DGLUCY: variants seen among roughly 807,000 people sequenced by gnomAD.
The protein encoded by DGLUCY is D-glutamate cyclase, mitochondrial.
Under a neutral mutation model 58.5 loss-of-function variants are expected in DGLUCY, and 58 were observed. The observed-to-expected ratio is 0.99, with a 90% CI of 0.80 to 1.23. The LOEUF (loss-of-function observed/expected upper bound fraction) is 1.23. Among genes scored for constraint, DGLUCY ranks in the 50% most tolerant of loss-of-function variants. The pLI, the probability that DGLUCY is intolerant of heterozygous loss-of-function variation, is 0.00. For synonymous variants in DGLUCY, 325 were observed against 314.1 expected (o/e 1.03, Z -0.37); for missense variants, 779 against 784.7 (o/e 0.99, Z 0.09).
At chr14:91,138,455 C>T (rs1341822176) in intron 1 of DGLUCY, among the ~76,000 whole-genome samples, 1 of 152,102 alleles carries the variant, frequency 6.6e-6, no homozygotes, top group African/African-American at 2.4e-5. Context: ...TGCGCCATTG[C>T]ACTCCAGCCT....
chr14:91,180,571 C>CAAAAAAA (rs1212639674), intron 7 of DGLUCY, among the ~76,000 whole-genome samples: 2 of 86,154 alleles, frequency 2.3e-5, no homozygotes. Flanking sequence ...GACTCCATCT[C>CAAAAAAA]AAAAAAAAAA....
chr14:91,204,608 C>A, intron 11 of DGLUCY, 98 bp from the exon 12 acceptor site: 1 of 1,489,736 alleles, frequency 6.7e-7, no homozygotes, highest in African/African-American at 1.4e-5. Flanking sequence ...ACCTTTTTGC[C>A]CTCCCAAAGG....
At chr14:91,221,502 A>G (rs1887494643) in intron 13 of DGLUCY, among the ~76,000 whole-genome samples, 1 of 151,466 alleles carries the variant, frequency 6.6e-6, no homozygotes, top group South Asian at 2.1e-4. Flanking sequence ...GGATGCATGG[A>G]TGGATGGATA....
chr14:91,199,807 A>G lies in DGLUCY; in HGVS notation c.1346A>G (p.Asn449Ser), dbSNP rs570844446. Residue 449 changes from asparagine to serine, a missense_variant, in exon 11 of 14, where the codon AAT becomes AGT. Physicochemically the swap from Asn to Ser is conservative, Grantham distance 46. Coordinates refer to ENST00000256324, the MANE Select transcript of DGLUCY (RefSeq NM_001102368.3). Reference protein sequence around the residue: ...IERAGRAADGNYYNARKMNIK... With the variant: ...IERAGRAADGSYYNARKMNIK... Reference sequence around the variant, plus strand: ...CGTGCCGGAAGAGCTGCTGATGGCAATTACTACAATGCAAGGAAGATGAAC... The same window carrying G: ...CGTGCCGGAAGAGCTGCTGATGGCAGTTACTACAATGCAAGGAAGATGAAC... 5.6e-5 allele frequency: 90 copies of G among 1,614,200 alleles called. No homozygotes were observed. The highest frequency in any genetic ancestry group is 4.3e-4 in the South Asian group (39 of 91,078).
chr14:91,065,005 G>A (rs891692437), intron 1 of DGLUCY, among the ~76,000 whole-genome samples: 2 of 152,202 alleles, frequency 1.3e-5, no homozygotes, highest in African/African-American at 4.8e-5. Flanking sequence ...TTTTAAAATT[G>A]CAGAAGAGTT....
intron 13 of DGLUCY, among the ~76,000 whole-genome samples, chr14:91,216,745 A>G (rs755195078): frequency 2.0e-5 from 3 of 152,036 alleles, no homozygotes; most frequent in Non-Finnish European, 4.4e-5. Flanking sequence ...GAGAGGCAGC[A>G]GCAGGTAACT....
chr14:91,125,442 C>T (rs1243233742), intron 1 of DGLUCY: 1 of 152,108 alleles, frequency 6.6e-6, no homozygotes, highest in Non-Finnish European at 1.5e-5. Flanking sequence ...AGAGATAGAA[C>T]TGTGTTTAGA....
chr14:91,134,971 C>T (rs1734111472), intron 1 of DGLUCY, among the ~76,000 whole-genome samples: 1 of 152,114 alleles, frequency 6.6e-6, no homozygotes, highest in Admixed American at 6.6e-5. Context: ...GTAGCCCAGG[C>T]TGGAGTGCAT....
At chr14:91,156,029 C>A (rs551368773) in intron 1 of DGLUCY, among the ~76,000 whole-genome samples, 13 of 152,010 alleles carry the variant, frequency 8.6e-5, no homozygotes, top group African/African-American at 3.1e-4. Flanking sequence ...ATGGGCATGT[C>A]GGTTAATAGA....
intron 1 of DGLUCY, among the ~76,000 whole-genome samples, chr14:91,064,104 T>C (rs1343163915): frequency 6.6e-6 from 1 of 152,182 alleles, no homozygotes; most frequent in Non-Finnish European, 1.5e-5. Flanking sequence ...CGTGAGCAGC[T>C]AGTGGCTGGA....
intron 1 of DGLUCY, among the ~76,000 whole-genome samples, chr14:91,151,263 G>T (rs527732396): frequency 6.6e-6 from 1 of 151,960 alleles, no homozygotes; most frequent in East Asian, 1.9e-4. Flanking sequence ...TTTTTGAGAC[G>T]GAGTCTCGCT....
intron 1 of DGLUCY, among the ~76,000 whole-genome samples, chr14:91,093,083 C>CAAA (rs1157463939): frequency 1.7e-5 from 1 of 57,720 alleles, no homozygotes; most frequent in Non-Finnish European, 3.6e-5. Flanking sequence ...AACTCAGTCT[C>CAAA]AAAAAAAAAA....
chr14:91,167,859 A>G, intron 4 of DGLUCY: 1 of 601,706 alleles, frequency 1.7e-6, no homozygotes, highest in South Asian at 2.0e-5. Context: ...ACAGACTGGC[A>G]TCTTCCCTGG....
intron 1 of DGLUCY, among the ~76,000 whole-genome samples, chr14:91,128,604 C>T (rs1258526255): frequency 6.6e-6 from 1 of 152,086 alleles, no homozygotes; most frequent in East Asian, 1.9e-4. Context: ...ACCTAAATGA[C>T]AGGATAAGGA....
chr14:91,109,733 G>A (rs1473029563), upstream of DGLUCY, among the ~76,000 whole-genome samples: 1 of 152,148 alleles, frequency 6.6e-6, no homozygotes, highest in African/African-American at 2.4e-5. Context: ...AGGGCCTCAC[G>A]CTCATGAGCT....
Position 91,126,957 on chromosome 14 carries a change from A to T in DGLUCY, c.-82+12674A>T, listed in dbSNP as rs7146008. On this transcript the variant is annotated intron_variant, in intron 1 of 13. Transcript: ENST00000256324. ...ATCCATGGCCTTTTCCACATAAACAATTCCAGAAATGCAACACCCCAGTGT... is the reference window on the plus strand; with the variant it reads ...ATCCATGGCCTTTTCCACATAAACATTTCCAGAAATGCAACACCCCAGTGT... 2.6e-4 allele frequency among the ~76,000 whole-genome samples: 40 copies of T among 151,426 alleles called. 1 individual carries two copies. The highest frequency in any genetic ancestry group is 1.2e-4 in the Non-Finnish European group (8 of 67,944).
chr14:91,062,612 A>ACAATAT, intron 1 of DGLUCY, among the ~76,000 whole-genome samples: 1 of 28,704 alleles, frequency 3.5e-5, no homozygotes. Flanking sequence ...TATATATATA[A>ACAATAT]ACAATCCTTA....
At chr14:91,206,769 A>T (rs1360735124) in intron 12 of DGLUCY, among the ~76,000 whole-genome samples, 1 of 152,222 alleles carries the variant, frequency 6.6e-6, no homozygotes, top group East Asian at 1.9e-4. Context: ...GCAAAAACAC[A>T]ATTTGAAGAG....
chr14:91,077,207 C>G (rs2044035405), intron 1 of DGLUCY, among the ~76,000 whole-genome samples: 1 of 151,490 alleles, frequency 6.6e-6, no homozygotes, highest in Non-Finnish European at 1.5e-5. Flanking sequence ...GATCGTGCCA[C>G]TGCAGTCTGG....
Sources: gnomAD v4.1 joint callset for allele counts (sites outside exome capture counted in the v4.1 genomes callset) on GRCh38, gnomAD v4.1.1 for gene constraint, MANE v1.5 for transcripts, NCBI Gene and HGNC (gene_info 2026-07-23, HGNC 2026-07-21) for gene names.